NOTCH1: variants seen among roughly 807,000 people sequenced by gnomAD.
NOTCH1 encodes neurogenic locus notch homolog protein 1.
Under a neutral mutation model 254.8 loss-of-function variants are expected in NOTCH1, and 37 were observed. That is an observed-to-expected ratio of 0.15 (90% CI 0.11 to 0.19). The LOEUF (loss-of-function observed/expected upper bound fraction) is 0.19, where lower values mean the gene tolerates loss of function less well. Among genes scored for constraint, NOTCH1 ranks in the 10% least tolerant of loss-of-function variants. The pLI is 1.00. For synonymous variants in NOTCH1, 1,731 were observed against 1,618.1 expected, an observed-to-expected ratio of 1.07 and a Z score of -1.68; for missense variants, 2,972 against 3,708.6, an observed-to-expected ratio of 0.80 and a Z score of 5.16.
intron 2 of NOTCH1, among the ~76,000 whole-genome samples, chr9:136,531,671 G>A (rs1197023582): frequency 2.0e-5 from 3 of 152,198 alleles, no homozygotes; most frequent in Admixed American, 6.5e-5. Context: ...GCACCCGCGG[G>A]GCGTCGGCAC....
At position 136,505,295 on chromosome 9, in the gene NOTCH1, G is replaced by A. The variant is rs1002878118; in HGVS notation, c.4586+15C>T. 2 of 1,557,444 alleles carry A rather than the reference G, an allele frequency of 1.3e-6. No individual in the cohort carries two copies. The highest frequency in any genetic ancestry group is 1.7e-6 in the Non-Finnish European group (2 of 1,151,356). On this transcript the variant is annotated intron_variant, in intron 25 of 33. Transcript: ENST00000651671. Reference sequence around the variant, plus strand: ...TTCAGGTCCTCCCTCAGCCCCATGAGCCCCGCAGCCTTACTTGCACTGGCC... The same window carrying A: ...TTCAGGTCCTCCCTCAGCCCCATGAACCCCGCAGCCTTACTTGCACTGGCC...
chr9:136,501,294 T>G (rs1230335987), intron 30 of NOTCH1, among the ~76,000 whole-genome samples: 1 of 151,162 alleles, frequency 6.6e-6, no homozygotes, highest in Non-Finnish European at 1.5e-5. Context: ...ATTAGCCAGG[T>G]GTGGTGGCAG....
intron 1 of NOTCH1, among the ~76,000 whole-genome samples, chr9:136,544,376 G>A (rs1843780278): frequency 6.6e-6 from 1 of 152,192 alleles, no homozygotes; most frequent in South Asian, 2.1e-4. Context: ...TTGAAGCAGG[G>A]TGGGGTGGCC....
rs2133346685 is a variant in NOTCH1, at chr9:136,508,145, G to T, written c.3326-6C>A. 6.2e-7 allele frequency: 1 copy of T among 1,608,110 alleles called. No individual in the cohort carries two copies. Among genetic ancestry groups the T allele is most frequent in the Non-Finnish European group, 8.5e-7 (1 of 1,179,712 alleles). ...CAGGCGGGCAACGTCAACACCTGCG[G>T]GGGATGGGGTGGTAGACAGGTGAGG... is the stretch of plus-strand genomic sequence containing the variant. On this transcript the variant is annotated splice_region_variant and splice_polypyrimidine_tract_variant and intron_variant, in intron 20 of 33. Coordinates refer to ENST00000651671, the MANE Select transcript of NOTCH1 (RefSeq NM_017617.5).
Position 136,545,974 on chromosome 9 carries a change from T to A in NOTCH1, c.-188A>T, listed in dbSNP as rs1843810972. Among the ~76,000 whole-genome samples the A allele has an allele frequency of 6.8e-6, 1 of 146,738 alleles. No individual in the cohort carries two copies. The highest frequency in any genetic ancestry group is 2.5e-5 in the African/African-American group (1 of 40,114). On this transcript the variant is annotated 5_prime_UTR_variant, in exon 1 of 34. It adds an upstream start codon to the 5' untranslated region. Transcript: ENST00000651671. This position sits in a 1 kb window ranked among gnomAD's most constrained non-coding sequence, Gnocchi z 6.8. ...CCCGGCTCCGCGCCCGGCTCGTTCC[T>A]TCGCTGCGCTCGCGCCCGCGCCCGC... is the stretch of plus-strand genomic sequence containing the variant.
chr9:136,516,304 A>T (rs1843271885), intron 9 of NOTCH1, among the ~76,000 whole-genome samples: 1 of 152,172 alleles, frequency 6.6e-6, no homozygotes, highest in Non-Finnish European at 1.5e-5. Flanking sequence ...TCGCTCCCAC[A>T]GAAGGGGCCT....
intron 10 of NOTCH1, 56 bp downstream of exon 10, chr9:136,515,925 C>A: frequency 2.1e-6 from 3 of 1,422,982 alleles, no homozygotes; most frequent in Non-Finnish European, 2.9e-6. Context: ...GTTTCACTGC[C>A]CTGAGTGCCC....
chr9:136,496,338 C>A lies in NOTCH1; in HGVS notation c.7401G>T (p.Ser2467=), dbSNP rs371306178. 19 of 1,592,414 alleles carry A rather than the reference C, an allele frequency of 1.2e-5. No individual in the cohort carries two copies. The highest frequency in any genetic ancestry group is 1.6e-5 in the Non-Finnish European group (19 of 1,170,734). Residue 2467 remains serine (S), a synonymous_variant, in exon 34 of 34, where the codon TCG becomes TCT. Transcript: ENST00000651671. ...LPQESPALPT[S]LPSSLVPPVT... Reference sequence around the variant, plus strand: ...CGGGTGGGACCAGCGAGGATGGCAGCGACGTGGGCAGGGCGGGGCTCTCCT... The same window carrying A: ...CGGGTGGGACCAGCGAGGATGGCAGAGACGTGGGCAGGGCGGGGCTCTCCT...
intron 9 of NOTCH1, 34 bp from the exon 10 acceptor site, chr9:136,516,128 T>A (rs1372045571): frequency 1.3e-6 from 2 of 1,518,728 alleles, no homozygotes; most frequent in Non-Finnish European, 1.8e-6. Flanking sequence ...GGGAGTCATG[T>A]GCAACAGCAC....
chr9:136,530,289 G>A (rs1316342085), intron 2 of NOTCH1, among the ~76,000 whole-genome samples: 1 of 152,270 alleles, frequency 6.6e-6, no homozygotes, highest in Non-Finnish European at 1.5e-5. Context: ...GGTTTAAAAT[G>A]TGCGAAGGAG....
At chr9:136,525,523 G>A (rs539180843) in intron 2 of NOTCH1, among the ~76,000 whole-genome samples, 2 of 152,334 alleles carry the variant, frequency 1.3e-5, no homozygotes, top group Admixed American at 1.3e-4. Context: ...GGCCCTGGGT[G>A]GGCATGGCCT....
rs139135898 is a variant in NOTCH1 at position 136,541,696 on chromosome 9, G to A, written c.140+2328C>T. Among the ~76,000 whole-genome samples the A allele has an allele frequency of 3.2e-3, 493 of 152,312 alleles. 3 individuals are homozygous for A. Among genetic ancestry groups the A allele is most frequent in the African/African-American group, 0.011 (466 of 41,570 alleles). Reference sequence around the variant, plus strand: ...TTGGGTGGGGCTCAAGCCCAGGGAGGGAGCCCGGGGCCTTCTCCGAAGCGG... The same window carrying A: ...TTGGGTGGGGCTCAAGCCCAGGGAGAGAGCCCGGGGCCTTCTCCGAAGCGG... On this transcript the variant is annotated intron_variant, in intron 2 of 33. Transcript: ENST00000651671.
In NOTCH1 at chr9:136,504,762, G is replaced by T. The variant is rs1408944177; in HGVS notation, c.4929C>A (p.Ala1643=). 3 of 1,549,686 alleles carry T rather than the reference G, an allele frequency of 1.9e-6. No homozygotes were observed. The highest frequency in any genetic ancestry group is 4.9e-5 in the East Asian group (2 of 41,184). Reference sequence around the variant, plus strand: ...GCGAGGCCTTCACCTGGCCCAGCAGGGCGTCAGGTGCGGCCCAGCCCTCGG... The same window carrying T: ...GCGAGGCCTTCACCTGGCCCAGCAGTGCGTCAGGTGCGGCCCAGCCCTCGG... ...RAAEGWAAPD[A]LLGQVKASLL... The change falls in exon 26 of 34, where the codon GCC becomes GCA. Residue 1643 remains alanine, a synonymous_variant. Transcript: ENST00000651671.
At chr9:136,507,856 T>G in intron 21 of NOTCH1, 99 bp downstream of exon 21, 1 of 1,240,630 alleles carries the variant, frequency 8.1e-7, no homozygotes. Context: ...CATGGGCCTA[T>G]CAGGTTCAGT....
At chr9:136,521,810 G>A (rs555415822) in intron 4 of NOTCH1, among the ~76,000 whole-genome samples, 2 of 152,302 alleles carry the variant, frequency 1.3e-5, no homozygotes, top group South Asian at 2.1e-4. Context: ...GCAGGGGCCA[G>A]GCCAGCTTGG....
chr9:136,512,908 C>CGG, intron 15 of NOTCH1, 113 bp downstream of exon 15: 2 of 417,250 alleles, frequency 4.8e-6, no homozygotes, highest in Non-Finnish European at 9.5e-6. Flanking sequence ...TCCCAGGCCG[C>CGG]CCCCACCCCT....
chr9:136,544,040 C>T lies in NOTCH1; in HGVS notation c.124G>A (p.Gly42Ser). The T allele has an allele frequency of 6.4e-7, 1 of 1,574,694 alleles. No homozygotes were observed. Among genetic ancestry groups the T allele is most frequent in the Non-Finnish European group, 8.6e-7 (1 of 1,161,008 alleles). ...LNGGKCEAAN[G>S]TEACVCGGAF... ...GGTACTCACACGCAGGCCTCCGTGC[C>T]ATTGGCCGCTTCACACTTCCCGCCA... is the stretch of plus-strand genomic sequence containing the variant. Residue 42 changes from glycine (G) to serine (S), a missense_variant, in exon 2 of 34, where the codon GGC (glycine) becomes AGC (serine). Gly to Ser is a moderately conservative substitution (Grantham distance 56). This residue lies in a region of NOTCH1 where 374 missense variants were observed against 496.3 expected (regional missense o/e 0.75). Transcript: ENST00000651671.
Position 136,522,835 on chromosome 9 carries a change from A to G in NOTCH1, c.742+15T>C. 1 of 1,467,750 alleles carries G rather than the reference A, an allele frequency of 6.8e-7. No homozygotes were observed. Among genetic ancestry groups the G allele is most frequent in the Middle Eastern group, 2.5e-4 (1 of 4,076 alleles). 90.9% of individuals were successfully genotyped at this position (1,467,750 alleles called of 1,614,324 possible). On this transcript the variant is annotated intron_variant, in intron 4 of 33. Transcript: ENST00000651671. ...GGGGAGGGGCTCGTGCACCCCGGCC[A>G]GCGGGCAGCACTACCTGGCAGGCAG...
Position 136,506,615 on chromosome 9 carries a change from T to C in NOTCH1, c.3926A>G (p.Asn1309Ser), listed in dbSNP as rs2133342747. ...CTTGCAGGGCTTGCCTTTGCAGCCA[T>C]TGATGACGGACTCGCAGCGGCGCCC... ...HTGRRCESVI[N>S]GCKGKPCKNG... Residue 1309 changes from asparagine (N) to serine (S), a missense_variant, in exon 24 of 34, where the codon AAT becomes AGT. Asn to Ser is a conservative substitution (Grantham distance 46, BLOSUM62 1). Coordinates refer to ENST00000651671, the MANE Select transcript of NOTCH1 (RefSeq NM_017617.5). The surrounding 1 kb of genome is among the most constrained non-coding windows in gnomAD (Gnocchi z 4.5). 1.2e-6 allele frequency: 2 copies of C among 1,610,854 alleles called. No individual in the cohort carries two copies. The highest frequency in any genetic ancestry group is 1.1e-5 in the South Asian group (1 of 90,674).
Sources: allele counts gnomAD v4.1 joint callset (sites outside exome capture counted in the v4.1 genomes callset), GRCh38; gene constraint gnomAD v4.1.1; regional missense constraint gnomAD v4.1.1; non-coding constraint Gnocchi (gnomAD v3.1); transcripts MANE v1.5; gene names NCBI Gene and HGNC (gene_info 2026-07-23, HGNC 2026-07-21).